Variants in MPRIP observed in about 807,000 individuals in gnomAD.
The protein encoded by MPRIP is myosin phosphatase Rho-interacting protein.
MPRIP carries 59 observed loss-of-function variants against 234.9 expected under a neutral mutation model. The observed-to-expected ratio is 0.25, with a 90% CI of 0.20 to 0.31. MPRIP has a LOEUF of 0.31. Ranked by LOEUF, MPRIP falls within the 10% of genes least tolerant of loss-of-function variation. The pLI is 1.00. For missense variants in MPRIP, 2,436 were observed against 3,071.0 expected, an observed-to-expected ratio of 0.79 and a Z score of 4.89; for synonymous variants, 1,144 against 1,263.9, an observed-to-expected ratio of 0.91 and a Z score of 2.01.
At chr17:17,097,494 TAAAA>T (rs2089872560) in intron 3 of MPRIP, among the ~76,000 whole-genome samples, 1 of 152,070 alleles carries the variant, frequency 6.6e-6, no homozygotes, top group African/African-American at 2.4e-5. Flanking sequence ...CCCTGTCTCT[TAAAA>T]AAACAAAACA....
intron 3 of MPRIP, among the ~76,000 whole-genome samples, chr17:17,119,747 C>T (rs994395892): frequency 2.6e-5 from 4 of 152,198 alleles, no homozygotes; most frequent in Admixed American, 6.5e-5. Flanking sequence ...GCAAGGCGAC[C>T]GCTCAGCCCC....
chr17:17,057,588 A>G (rs2143897492), intron 1 of MPRIP: 1 of 717,930 alleles, frequency 1.4e-6, no homozygotes, highest in Non-Finnish European at 2.6e-6. Flanking sequence ...GGCCTTTGCT[A>G]CGCTGTTCAT....
At position 17,131,717 on chromosome 17, in the gene MPRIP, G is replaced by T; in HGVS notation, c.504+16G>T. 6.2e-7 allele frequency: 1 copy of T among 1,612,592 alleles called. No individual in the cohort carries two copies. The highest frequency in any genetic ancestry group is 8.5e-7 in the Non-Finnish European group (1 of 1,178,606). Reference sequence around the variant, plus strand: ...CACACCACAGGTAGGCAGTGGGTTTGCCAGATGGCATCCCCTCAGTGGAGC... The same window carrying T: ...CACACCACAGGTAGGCAGTGGGTTTTCCAGATGGCATCCCCTCAGTGGAGC... On this transcript the variant is annotated intron_variant, in intron 5 of 23. Transcript: ENST00000651222.
At chr17:17,073,532 G>A (rs1010845048) in intron 1 of MPRIP, among the ~76,000 whole-genome samples, 5 of 152,216 alleles carry the variant, frequency 3.3e-5, no homozygotes, top group African/African-American at 9.7e-5. Context: ...GGGTGGTGGC[G>A]CATAGTCAAG....
intron 1 of MPRIP, 91 bp downstream of exon 1, chr17:17,043,062 A>C: frequency 3.9e-6 from 5 of 1,295,494 alleles, no homozygotes; most frequent in Non-Finnish European, 4.3e-6. Flanking sequence ...GAAAATAAAA[A>C]TGGAGCAGGG....
intron 1 of MPRIP, among the ~76,000 whole-genome samples, chr17:17,073,161 C>T (rs902182885): frequency 6.6e-6 from 1 of 152,136 alleles, no homozygotes; most frequent in African/African-American, 2.4e-5. Context: ...CTTTGATGAA[C>T]GCTGGGTGGG....
chr17:17,143,961 CT>C, intron 9 of MPRIP, among the ~76,000 whole-genome samples: 1 of 152,356 alleles, frequency 6.6e-6, no homozygotes, highest in African/African-American at 2.4e-5. Flanking sequence ...GGCGGCAGGG[CT>C]GCAGCAGGGA....
chr17:17,180,109 C>T (rs761274994), intron 23 of MPRIP, 21 bp downstream of exon 23: 47 of 1,556,062 alleles, frequency 3.0e-5, no homozygotes, highest in Non-Finnish European at 4.1e-5. Context: ...GGTCCAGCCC[C>T]CTGGTGGGAG....
At chr17:17,153,798 A>T (rs771079807) in intron 12 of MPRIP, among the ~76,000 whole-genome samples, 5 of 152,034 alleles carry the variant, frequency 3.3e-5, no homozygotes, top group Non-Finnish European at 7.4e-5. Flanking sequence ...AGTGCCACCA[A>T]CAAGACCCTG....
At chr17:17,155,327 G>A (rs183756204) in intron 13 of MPRIP, among the ~76,000 whole-genome samples, 16 of 151,326 alleles carry the variant, frequency 1.1e-4, no homozygotes, top group South Asian at 4.2e-4. Flanking sequence ...ATCTCGGCTC[G>A]CTGCAACCTC....
chr17:17,159,407 G>A (rs527471231), intron 14 of MPRIP, among the ~76,000 whole-genome samples: 2 of 152,366 alleles, frequency 1.3e-5, no homozygotes, highest in East Asian at 3.9e-4. Flanking sequence ...ACCAGCCCCA[G>A]GTGCTCTTAC....
chr17:17,101,075 C>G (rs1309777856), intron 3 of MPRIP, among the ~76,000 whole-genome samples: 5 of 152,168 alleles, frequency 3.3e-5, no homozygotes, highest in Non-Finnish European at 5.9e-5. Flanking sequence ...CTGCTTCACT[C>G]AGGGAATTTA....
chr17:17,123,331 T>C (rs887310278), intron 3 of MPRIP, among the ~76,000 whole-genome samples: 1 of 152,048 alleles, frequency 6.6e-6, no homozygotes, highest in Non-Finnish European at 1.5e-5. Flanking sequence ...TTTAGGTAAA[T>C]TGTATGTAAA....
chr17:17,148,369 T>C (rs2045524721), intron 11 of MPRIP, among the ~76,000 whole-genome samples: 1 of 151,210 alleles, frequency 6.6e-6, no homozygotes, highest in Non-Finnish European at 1.5e-5. Flanking sequence ...TGTCATTGAC[T>C]TTTTTTTGCG....
chr17:17,159,713 G>A (rs1230193599), intron 14 of MPRIP, among the ~76,000 whole-genome samples: 4 of 152,214 alleles, frequency 2.6e-5, no homozygotes, highest in African/African-American at 7.2e-5. Context: ...AGGGAGTCTC[G>A]TAGCTGGGGA....
intron 3 of MPRIP, among the ~76,000 whole-genome samples, chr17:17,104,985 A>G (rs1435424983): frequency 6.6e-6 from 1 of 152,126 alleles, no homozygotes; most frequent in Admixed American, 6.5e-5. Context: ...TGTTGCTTCC[A>G]GGTGCTTTGG....
intron 3 of MPRIP, among the ~76,000 whole-genome samples, chr17:17,122,022 A>G (rs548348350): frequency 6.6e-6 from 1 of 152,284 alleles, no homozygotes; most frequent in East Asian, 1.9e-4. Flanking sequence ...ATAATATTCC[A>G]TGGTGTATAT....
At chr17:17,066,496 G>A (rs2089028297) in intron 1 of MPRIP, among the ~76,000 whole-genome samples, 1 of 151,916 alleles carries the variant, frequency 6.6e-6, no homozygotes, top group South Asian at 2.1e-4. Context: ...CCTTGGTCAT[G>A]GTTTATAATT....
intron 9 of MPRIP, among the ~76,000 whole-genome samples, chr17:17,145,346 G>A (rs578009224): frequency 6.6e-6 from 1 of 152,340 alleles, no homozygotes; most frequent in South Asian, 2.1e-4. Context: ...CCAGAGATAA[G>A]GTGACCCATG....
Sources: gnomAD v4.1 joint callset for allele counts (sites outside exome capture counted in the v4.1 genomes callset) on GRCh38, gnomAD v4.1.1 for gene constraint, MANE v1.5 for transcripts, NCBI Gene and HGNC (gene_info 2026-07-23, HGNC 2026-07-21) for gene names.